LRGUK: variants seen among roughly 807,000 people sequenced by gnomAD.
LRGUK encodes the protein leucine-rich repeat and guanylate kinase domain-containing protein.
A neutral mutation model predicts 76.0 loss-of-function variants in LRGUK; 65 were observed. That is an observed-to-expected ratio of 0.85 (90% confidence interval 0.70 to 1.05). The LOEUF is 1.05. Among genes scored for constraint, LRGUK ranks in the 50% least tolerant of loss-of-function variants. The pLI is 0.00. For synonymous variants in LRGUK, 268 were observed against 265.6 expected, an observed-to-expected ratio of 1.01 and a Z score of -0.09; for missense variants, 758 against 732.8, an observed-to-expected ratio of 1.03 and a Z score of -0.40.
At chr7:134,272,876 C>A in the LRGUK span, among the ~76,000 whole-genome samples, 1 of 152,176 alleles carries the variant, frequency 6.6e-6, no homozygotes, top group African/African-American at 2.4e-5. Flanking sequence ...ATCTTATTCT[C>A]AGTCAATTCA....
chr7:134,269,702 C>G, the LRGUK span, among the ~76,000 whole-genome samples: 9 of 152,066 alleles, frequency 5.9e-5, no homozygotes, highest in Non-Finnish European at 1.2e-4. Context: ...TATATTCCAT[C>G]TTGGTAAATA....
intron 19 of LRGUK, among the ~76,000 whole-genome samples, chr7:134,262,834 G>T (rs1185342025): frequency 6.6e-6 from 1 of 151,928 alleles, no homozygotes; most frequent in African/African-American, 2.4e-5. Flanking sequence ...CAGATGTGGT[G>T]GTGGCATATG....
At chr7:134,249,285 A>T (rs577301878) in intron 18 of LRGUK, among the ~76,000 whole-genome samples, 5 of 152,100 alleles carry the variant, frequency 3.3e-5, no homozygotes, top group Non-Finnish European at 7.4e-5. Context: ...TTTATCTGGG[A>T]CCTTGAATCT....
At chr7:134,158,958 A>G (rs940707850) in intron 6 of LRGUK, among the ~76,000 whole-genome samples, 2 of 152,196 alleles carry the variant, frequency 1.3e-5, no homozygotes, top group African/African-American at 4.8e-5. Flanking sequence ...TGGGGTCAGC[A>G]GGCGGGATTT....
chr7:134,245,779 C>T (rs771518045), intron 16 of LRGUK, among the ~76,000 whole-genome samples: 5 of 152,004 alleles, frequency 3.3e-5, no homozygotes, highest in East Asian at 3.8e-4. Flanking sequence ...AATAAATTCA[C>T]GGGAGAGTGA....
At chr7:134,144,150 C>T (rs567678005) in intron 4 of LRGUK, among the ~76,000 whole-genome samples, 1 of 152,178 alleles carries the variant, frequency 6.6e-6, no homozygotes, top group Non-Finnish European at 1.5e-5. Context: ...ACTTCAGCCT[C>T]CTGGGCTCAA....
intron 7 of LRGUK, among the ~76,000 whole-genome samples, chr7:134,168,138 A>G (rs533910611): frequency 2.0e-5 from 3 of 152,212 alleles, no homozygotes; most frequent in African/African-American, 7.2e-5. Context: ...TAGGCTGATC[A>G]CTTGAGGCCA....
chr7:134,149,118 A>AC (rs1554455254), intron 5 of LRGUK, among the ~76,000 whole-genome samples: 30 of 151,478 alleles, frequency 2.0e-4, no homozygotes, highest in African/African-American at 4.6e-4. Flanking sequence ...TAAAAAAAAA[A>AC]AAAAACAACT....
intron 18 of LRGUK, among the ~76,000 whole-genome samples, chr7:134,257,604 G>T (rs1319013524): frequency 1.3e-5 from 2 of 152,000 alleles, no homozygotes; most frequent in Non-Finnish European, 2.9e-5. Flanking sequence ...TCAGGAGTTC[G>T]AGACCAGCCT....
chr7:134,260,734 G>A (rs1199261034), intron 19 of LRGUK, among the ~76,000 whole-genome samples: 1 of 152,118 alleles, frequency 6.6e-6, no homozygotes, highest in African/African-American at 2.4e-5. Context: ...TAGCCCCTGT[G>A]TGGTTTTCAT....
Position 134,233,513 on chromosome 7 carries a change from T to A in LRGUK, c.1983+11595T>A, listed in dbSNP as rs150271445. ...AAGTACTAACTGTATGAAGGGGAAA[T>A]GAGAAAGTGGACCTGTGGTGACAAA... On this transcript the variant is annotated intron_variant, in intron 16 of 19. Transcript: ENST00000285928. 1.1e-3 allele frequency among the ~76,000 whole-genome samples: 170 copies of A among 152,262 alleles called. 2 individuals are homozygous for A. Among genetic ancestry groups the A allele is most frequent in the African/African-American group, 3.6e-3 (148 of 41,568 alleles).
At chr7:134,204,770 G>A (rs1266311054) in intron 15 of LRGUK, among the ~76,000 whole-genome samples, 1 of 152,200 alleles carries the variant, frequency 6.6e-6, no homozygotes, top group Admixed American at 6.5e-5. Context: ...GGGACAAGAA[G>A]TAGAGCCAGT....
intron 5 of LRGUK, among the ~76,000 whole-genome samples, chr7:134,148,918 A>G (rs1286684612): frequency 6.6e-6 from 1 of 152,074 alleles, no homozygotes; most frequent in Non-Finnish European, 1.5e-5. Context: ...CTGTCTCAAA[A>G]AAAAAAAAAA....
intron 16 of LRGUK, among the ~76,000 whole-genome samples, chr7:134,231,548 G>A (rs1281785933): frequency 1.1e-3 from 31 of 26,972 alleles, no homozygotes; most frequent in Middle Eastern, 0.028. Context: ...TCCTCCCTCC[G>A]TCCCTCCCTT....
At chr7:134,159,734 A>C (rs1321041854) in intron 6 of LRGUK, among the ~76,000 whole-genome samples, 1 of 152,226 alleles carries the variant, frequency 6.6e-6, no homozygotes, top group Admixed American at 6.5e-5. Context: ...GGTTGCAGTG[A>C]GCCGAGATCG....
At chr7:134,224,704 A>G (rs1801690566) in intron 16 of LRGUK, among the ~76,000 whole-genome samples, 1 of 152,164 alleles carries the variant, frequency 6.6e-6, no homozygotes, top group Non-Finnish European at 1.5e-5. Context: ...AAAGCTAAAA[A>G]AAAAATGTCC....
At chr7:134,222,209 A>G (rs1181380607) in intron 16 of LRGUK, among the ~76,000 whole-genome samples, 1 of 152,228 alleles carries the variant, frequency 6.6e-6, no homozygotes, top group African/African-American at 2.4e-5. Flanking sequence ...AAGAAAATTA[A>G]TGCAGTGAAA....
rs185030042 is a variant in LRGUK at position 134,145,229 on chromosome 7, G to T, written c.588+2067G>T. On this transcript the variant is annotated intron_variant, in intron 4 of 15. Coordinates refer to ENST00000645682, the Ensembl canonical transcript of LRGUK. ...GGGAAGGAATGATGGTGGCCTCCTGGTGTATGTTTTCTTTTCTTTTCTTTT... is the reference window on the plus strand; with the variant it reads ...GGGAAGGAATGATGGTGGCCTCCTGTTGTATGTTTTCTTTTCTTTTCTTTT... Among the ~76,000 whole-genome samples, 49 of 152,042 alleles carry T rather than the reference G, an allele frequency of 3.2e-4. 1 individual carries two copies. Among genetic ancestry groups the T allele is most frequent in the African/African-American group, 1.2e-3 (49 of 41,466 alleles).
intron 1 of LRGUK, among the ~76,000 whole-genome samples, chr7:134,133,659 T>C (rs73454641): frequency 0.13 from 20,521 of 152,120 alleles, 1,686 homozygotes; most frequent in East Asian, 0.32. Context: ...GACACAGTCC[T>C]GCCTCAATGC....
Sources: gnomAD v4.1 joint callset for allele counts (sites outside exome capture counted in the v4.1 genomes callset) on GRCh38, gnomAD v4.1.1 for gene constraint, MANE v1.5 for transcripts, NCBI Gene and HGNC (gene_info 2026-07-23, HGNC 2026-07-21) for gene names.